Variants in CHST7 observed in about 807,000 individuals in gnomAD.
CHST7 encodes N-acetylglucosamine 6-O-sulfotransferase 4.
In CHST7, 5 loss-of-function variants were observed where a neutral mutation model predicts 9.0. The observed-to-expected ratio is 0.56, with a 90% CI of 0.29 to 1.17. The LOEUF (loss-of-function observed/expected upper bound fraction) is 1.17, where lower values mean the gene tolerates loss of function less well. CHST7 is among the 50% of genes most tolerant of loss of function. CHST7 has a pLI of 0.08. For missense variants in CHST7, 377 were observed against 485.1 expected (o/e 0.78, Z 2.09); for synonymous variants, 244 against 237.1 (o/e 1.03, Z -0.27).
intron 1 of CHST7, among the ~76,000 whole-genome samples, chrX:46,582,271 G>T (rs1228981318): frequency 8.9e-5 from 10 of 112,022 alleles, no homozygotes; most frequent in Non-Finnish European, 1.9e-4. Context: ...GAGTATGTCT[G>T]TCAGAAAAAT....
At chrX:46,588,931 G>C (rs6609426) in intron 1 of CHST7, among the ~76,000 whole-genome samples, 36,379 of 110,106 alleles carry the variant, frequency 0.33, 5,742 homozygotes, top group East Asian at 0.64. Flanking sequence ...TACAGGATAG[G>C]TCTTTAAATA....
intron 1 of CHST7, among the ~76,000 whole-genome samples, chrX:46,587,002 T>G (rs1164918998): frequency 3.6e-5 from 4 of 111,440 alleles, no homozygotes; most frequent in Non-Finnish European, 5.7e-5. Flanking sequence ...CCCAAAATGC[T>G]GGGATTACAG....
At chrX:46,578,492 C>T (rs1419249006) in intron 1 of CHST7, among the ~76,000 whole-genome samples, 2 of 108,688 alleles carry the variant, frequency 1.8e-5, no homozygotes, top group Non-Finnish European at 3.8e-5. Flanking sequence ...CCTCAACTTC[C>T]CAGGGTTAAG....
chrX:46,594,997 T>C (rs947903680), intron 1 of CHST7, among the ~76,000 whole-genome samples: 2 of 112,307 alleles, frequency 1.8e-5, no homozygotes, highest in African/African-American at 6.5e-5. Context: ...TTAGATTCAC[T>C]AAGTCCTTAC....
chrX:46,577,057 C>T (rs1378986655), intron 1 of CHST7, among the ~76,000 whole-genome samples: 3 of 110,687 alleles, frequency 2.7e-5, no homozygotes, highest in Non-Finnish European at 3.8e-5. Flanking sequence ...TGAGGGAACT[C>T]CTCCCCTGGG....
intron 1 of CHST7, among the ~76,000 whole-genome samples, chrX:46,586,198 G>A (rs1490732847): frequency 3.6e-5 from 4 of 111,615 alleles, no homozygotes; most frequent in African/African-American, 1.3e-4. Flanking sequence ...TCTAGGCCAC[G>A]GAGCCACTTT....
chrX:46,596,308 A>C (rs1398488054), intron 1 of CHST7, among the ~76,000 whole-genome samples: 1 of 111,293 alleles, frequency 9.0e-6, no homozygotes, highest in Non-Finnish European at 1.9e-5. Context: ...AATGCCTCTG[A>C]GATTTCCAGT....
At chrX:46,578,112 G>T (rs1942507673) in intron 1 of CHST7, among the ~76,000 whole-genome samples, 1 of 109,888 alleles carries the variant, frequency 9.1e-6, no homozygotes, top group Admixed American at 9.8e-5. Context: ...TTACATCTTG[G>T]CTTTCATTCA....
chrX:46,594,617 A>G (rs1942585711), intron 1 of CHST7, among the ~76,000 whole-genome samples: 1 of 111,442 alleles, frequency 9.0e-6, no homozygotes, highest in Admixed American at 9.5e-5. Flanking sequence ...CCATGCTTTC[A>G]GATACAAAAT....
chrX:46,596,936 G>A (rs1458280597), intron 1 of CHST7, among the ~76,000 whole-genome samples: 2 of 73,956 alleles, frequency 2.7e-5, no homozygotes, highest in Non-Finnish European at 4.8e-5. Flanking sequence ...AACAGAGTGA[G>A]ACTCTGTCTC....
chrX:46,575,507 G>A, intron 1 of CHST7, 84 bp downstream of exon 1: 4 of 804,305 alleles, frequency 5.0e-6, no homozygotes, highest in Non-Finnish European at 6.4e-6. Context: ...GTGTAGGGGG[G>A]AGGGTACCAT....
intron 1 of CHST7, among the ~76,000 whole-genome samples, chrX:46,578,872 G>A (rs1324788644): frequency 9.0e-6 from 1 of 111,379 alleles, no homozygotes; most frequent in Non-Finnish European, 1.9e-5. Context: ...TTAGACCAGC[G>A]GTTCTCAGCC....
chrX:46,585,316 G>A (rs1184739895), intron 1 of CHST7, among the ~76,000 whole-genome samples: 4 of 66,370 alleles, frequency 6.0e-5, no homozygotes, highest in African/African-American at 2.9e-4. Flanking sequence ...TTTTGAGACA[G>A]TCTTATTCTG....
intron 1 of CHST7, among the ~76,000 whole-genome samples, chrX:46,585,827 C>G (rs1942546882): frequency 8.9e-6 from 1 of 111,835 alleles, no homozygotes; most frequent in African/African-American, 3.3e-5. Flanking sequence ...CTCAATGCAA[C>G]CTGTGCCTCC....
rs969242307 is a variant in CHST7, at chrX:46,595,452, A to G, written c.*32-2308A>G. 6.2e-5 allele frequency among the ~76,000 whole-genome samples: 7 copies of G among 112,534 alleles called. No individual in the cohort carries two copies. The East Asian group carries it at 1.9e-3, about 31-fold the overall frequency. Reference sequence around the variant, plus strand: ...TACTGCCAGGTCAAGGTGGCAGTCCAGAGATCCTGGCTTCCCACTAGGGCT... The same window carrying G: ...TACTGCCAGGTCAAGGTGGCAGTCCGGAGATCCTGGCTTCCCACTAGGGCT... On this transcript the variant is annotated intron_variant, in intron 1 of 1. Coordinates refer to ENST00000276055, the MANE Select transcript of CHST7 (RefSeq NM_019886.4).
chrX:46,584,535 C>CAAAAAAAA (rs397777408), intron 1 of CHST7, among the ~76,000 whole-genome samples: 1 of 52,734 alleles, frequency 1.9e-5, no homozygotes, highest in African/African-American at 8.7e-5. Flanking sequence ...GAAACTGTCT[C>CAAAAAAAA]AAAAAAAAAA....
Position 46,573,808 on chromosome X carries a change from C to T in CHST7, c.-124C>T. 3.0e-6 allele frequency: 3 copies of T among 1,009,908 alleles called. No individual in the cohort carries two copies. The highest frequency in any genetic ancestry group is 3.9e-6 in the Non-Finnish European group (3 of 774,409). 83.2% of individuals were successfully genotyped at this position (1,009,908 alleles called of 1,213,427 possible). On this transcript the variant is annotated 5_prime_UTR_variant, in exon 1 of 2. Transcript: ENST00000276055. The stretch of plus-strand genomic sequence containing the variant: ...CAAGTTTCCCCTTGTGGATGCGCGG[C>T]CCCGCGGCTCTGCTCCTCCCGGCGC...
At chrX:46,578,923 A>T (rs1037632882) in intron 1 of CHST7, among the ~76,000 whole-genome samples, 2 of 110,548 alleles carry the variant, frequency 1.8e-5, no homozygotes, top group African/African-American at 6.6e-5. Flanking sequence ...TTTTTTATTT[A>T]TTTTTTTAAT....
chrX:46,574,835 C>CT lies in CHST7; in HGVS notation c.905dup (p.Arg303AlafsTer74). 1.7e-6 allele frequency: 2 copies of CT among 1,186,543 alleles called. No individual in the cohort carries two copies. Among genetic ancestry groups the CT allele is most frequent in the Non-Finnish European group, 2.3e-6 (2 of 883,362 alleles). ...ACTGCTGCGCGAGAGCATCCAGGTG[C>CT]TGCGCACCCGCCAGAGGGGCGACCG... On this transcript the variant is annotated frameshift_variant, in exon 1 of 2. Coordinates refer to ENST00000276055, the MANE Select transcript of CHST7 (RefSeq NM_019886.4). LOFTEE classifies it low-confidence loss of function (END_TRUNC).
Sources: allele counts gnomAD v4.1 joint callset (sites outside exome capture counted in the v4.1 genomes callset), GRCh38; gene constraint gnomAD v4.1.1; transcripts MANE v1.5; gene names NCBI Gene and HGNC (gene_info 2026-07-23, HGNC 2026-07-21).